POLR2F: variants seen among roughly 807,000 people sequenced by gnomAD.
POLR2F encodes RNA polymerase II, I and III subunit F, also known as DNA-directed RNA polymerases I, II, and III subunit RPABC2.
In POLR2F, 12 loss-of-function variants were observed where a neutral mutation model predicts 22.7. The observed-to-expected ratio is 0.53, with a 90% CI of 0.34 to 0.86. The LOEUF (loss-of-function observed/expected upper bound fraction) is 0.86, where lower values mean the gene tolerates loss of function less well. POLR2F is among the 40% of genes least tolerant of loss of function. The pLI, the probability that POLR2F is intolerant of heterozygous loss-of-function variation, is 0.02. For missense variants in POLR2F, 126 were observed against 171.5 expected (o/e 0.73, Z 1.48); for synonymous variants, 57 against 66.0 (o/e 0.86, Z 0.66).
At chr22:37,960,949 C>T (rs1009677057) in intron 3 of POLR2F, among the ~76,000 whole-genome samples, 1 of 150,906 alleles carries the variant, frequency 6.6e-6, no homozygotes, top group African/African-American at 2.4e-5. Context: ...CCTAGGATCA[C>T]GCCATTCTCC....
At chr22:38,007,800 T>C (rs558668485) in intron 1 of POLR2F, among the ~76,000 whole-genome samples, 2 of 152,320 alleles carry the variant, frequency 1.3e-5, no homozygotes, top group East Asian at 3.9e-4. Context: ...TCCTGAAGAA[T>C]GGGGAATTAC....
At chr22:38,020,136 TCCAGGAGTTCGAGATCAG>T (rs1211552109) in intron 1 of POLR2F, among the ~76,000 whole-genome samples, 1 of 149,994 alleles carries the variant, frequency 6.7e-6, no homozygotes, top group Non-Finnish European at 1.5e-5. Context: ...ATTGCTTGAG[TCCAGGAGTTCGAGATCAG>T]CCTGGGCAAC....
chr22:37,969,240 T>C lies in POLR2F; in HGVS notation c.*1525T>C. ...TCTTCCTCTTCCCATTCTCCTCTTTTGGGGAGTCCCCTGCTATTCAGCTGT... is the reference window on the plus strand; with the variant it reads ...TCTTCCTCTTCCCATTCTCCTCTTTCGGGGAGTCCCCTGCTATTCAGCTGT... On this transcript the variant is annotated 3_prime_UTR_variant, in exon 5 of 5. Coordinates refer to ENST00000442738, the MANE Select transcript of POLR2F (RefSeq NM_021974.5). The C allele has an allele frequency of 1.0e-6, 1 of 985,296 alleles. No individual in the cohort carries two copies. The highest frequency in any genetic ancestry group is 1.2e-6 in the Non-Finnish European group (1 of 829,808). The allele number at this position is 985,296 out of a possible 1,614,324, so 61.0% of individuals were successfully genotyped here. A position where few individuals can be genotyped will look rare whatever the true frequency, so the allele number is the denominator to read the frequency against.
rs527619888 is a variant in POLR2F at position 38,036,600 on chromosome 22, A to G, written c.453-4468A>G. On this transcript the variant is annotated intron_variant, in intron 5 of 5. Transcript: ENST00000407936. Reference sequence around the variant, plus strand: ...ATTTAGGAGGGGTGGGCAACCGGGGAGGAGTGGCTGCAAGGGATGGGAGAC... The same window carrying G: ...ATTTAGGAGGGGTGGGCAACCGGGGGGGAGTGGCTGCAAGGGATGGGAGAC... Among the ~76,000 whole-genome samples, 328 of 150,852 alleles carry G rather than the reference A, an allele frequency of 2.2e-3. 1 individual carries two copies. The highest frequency in any genetic ancestry group is 3.6e-3 in the Non-Finnish European group (246 of 67,766).
chr22:37,962,498 T>C (rs1477210292), intron 3 of POLR2F, among the ~76,000 whole-genome samples: 1 of 152,184 alleles, frequency 6.6e-6, no homozygotes, highest in Non-Finnish European at 1.5e-5. Flanking sequence ...CTTGCTCTTA[T>C]GCATGGCATT....
intron 1 of POLR2F, among the ~76,000 whole-genome samples, chr22:38,025,232 C>T (rs183427640): frequency 2.6e-5 from 4 of 152,216 alleles, no homozygotes; most frequent in African/African-American, 9.6e-5. Context: ...CACATGTGCA[C>T]TCACTTGCTC....
intron 1 of POLR2F, among the ~76,000 whole-genome samples, chr22:37,996,298 G>A (rs1040883700): frequency 6.6e-6 from 1 of 152,224 alleles, no homozygotes; most frequent in South Asian, 2.1e-4. Context: ...AGCCCAGGGA[G>A]GCAGGGAAAG....
downstream of POLR2F, among the ~76,000 whole-genome samples, chr22:38,027,726 C>T (rs2085027709): frequency 6.6e-6 from 1 of 152,190 alleles, no homozygotes; most frequent in Non-Finnish European, 1.5e-5. Flanking sequence ...CTGTGAGCAG[C>T]CGGCTCCCTG....
intron 1 of POLR2F, among the ~76,000 whole-genome samples, chr22:38,007,668 C>G (rs2084834163): frequency 6.6e-6 from 1 of 152,206 alleles, no homozygotes; most frequent in Admixed American, 6.5e-5. Context: ...TTCCCGAGTC[C>G]CCCAGGGCCT....
At chr22:38,040,597 C>G (rs150861750) in intron 5 of POLR2F, 1 of 177,158 alleles carries the variant, frequency 5.6e-6, no homozygotes, top group Non-Finnish European at 1.2e-5. Context: ...TGACCATATG[C>G]CAGTCTGGTT....
intron 5 of POLR2F, among the ~76,000 whole-genome samples, chr22:38,039,325 C>T (rs1301127623): frequency 6.6e-6 from 1 of 152,248 alleles, no homozygotes; most frequent in Admixed American, 6.5e-5. Context: ...AATGAAGAGT[C>T]TGCCGTCCGG....
chr22:38,013,870 C>T (rs2084892919), intron 1 of POLR2F, among the ~76,000 whole-genome samples: 1 of 152,150 alleles, frequency 6.6e-6, no homozygotes, highest in Non-Finnish European at 1.5e-5. Flanking sequence ...CGCCTGTAAT[C>T]CCAGCACTTT....
chr22:38,033,370 T>C (rs1039122376), intron 5 of POLR2F, among the ~76,000 whole-genome samples: 3 of 152,134 alleles, frequency 2.0e-5, no homozygotes, highest in African/African-American at 7.2e-5. Flanking sequence ...TGCTAGGCTC[T>C]GGTAGAGCCA....
At chr22:37,991,319 A>G (rs997542604) in intron 1 of POLR2F, among the ~76,000 whole-genome samples, 1 of 151,638 alleles carries the variant, frequency 6.6e-6, no homozygotes. Context: ...GGGTTTCACC[A>G]TGTTGGCCAG....
Position 37,978,151 on chromosome 22 carries a change from A to C in POLR2F, c.293+10981A>C. On this transcript the variant is annotated intron_variant, in intron 4 of 4. Transcript: ENST00000405557. This position sits in a 1 kb window ranked among gnomAD's most constrained non-coding sequence, Gnocchi z 5.0. ...GTTCAGCAGCCTGGGGTGTGGTGGG[A>C]GGCGGAGAGGACAGCAGAGGGGCTG... The C allele has an allele frequency of 6.5e-7, 1 of 1,538,314 alleles. No homozygotes were observed. Among genetic ancestry groups the C allele is most frequent in the South Asian group, 1.2e-5 (1 of 82,006 alleles).
intron 1 of POLR2F, among the ~76,000 whole-genome samples, chr22:38,012,810 T>C (rs1033819486): frequency 6.6e-6 from 1 of 152,242 alleles, no homozygotes; most frequent in African/African-American, 2.4e-5. Context: ...GGTGTGGATT[T>C]TGGGGAAGAA....
chr22:37,985,969 A>C, upstream of POLR2F: 6 of 954,078 alleles, frequency 6.3e-6, no homozygotes, highest in Non-Finnish European at 3.0e-6. Context: ...GCCTTGGACA[A>C]TCTCCCCCCA....
chr22:37,973,315 C>G, downstream of POLR2F: 2 of 573,860 alleles, frequency 3.5e-6, no homozygotes, highest in Non-Finnish European at 6.2e-6. Context: ...GCTGCTGGAG[C>G]CTGGATGGGG....
At chr22:37,990,164 G>C (rs917386447) in intron 1 of POLR2F, among the ~76,000 whole-genome samples, 1 of 152,198 alleles carries the variant, frequency 6.6e-6, no homozygotes, top group Non-Finnish European at 1.5e-5. Context: ...AGGCTGGAGC[G>C]GGCAGGAGTG....
Sources: allele counts gnomAD v4.1 joint callset (sites outside exome capture counted in the v4.1 genomes callset), GRCh38; gene constraint gnomAD v4.1.1; non-coding constraint Gnocchi (gnomAD v3.1); transcripts MANE v1.5; gene names NCBI Gene and HGNC (gene_info 2026-07-23, HGNC 2026-07-21).